The following AGMO variants were observed in gnomAD, a reference collection of about 807,000 sequenced individuals.
AGMO encodes glyceryl-ether monooxygenase.
In AGMO, 75 loss-of-function variants were observed where a neutral mutation model predicts 60.2. The observed-to-expected ratio is 1.25, with a 90% confidence interval of 1.03 to 1.51. The LOEUF is 1.51. AGMO is among the 40% of genes most tolerant of loss of function. The pLI is 0.00. For missense variants in AGMO, 763 were observed against 525.5 expected, an observed-to-expected ratio of 1.45 and a Z score of -4.42; for synonymous variants, 261 against 177.1, an observed-to-expected ratio of 1.47 and a Z score of -3.76.
chr7:15,225,255 G>A (rs149146415), intron 12 of AGMO, among the ~76,000 whole-genome samples: 498 of 151,874 alleles, frequency 3.3e-3, no homozygotes, highest in African/African-American at 0.01. Context: ...ACTTTTATCC[G>A]TTCCCCTGAA....
chr7:15,556,346 TA>T, intron 2 of AGMO, among the ~76,000 whole-genome samples: 1 of 151,294 alleles, frequency 6.6e-6, no homozygotes, highest in East Asian at 2.0e-4. Flanking sequence ...AGCTCCATAG[TA>T]AAAATTGGCA....
intron 12 of AGMO, among the ~76,000 whole-genome samples, chr7:15,288,860 A>AT (rs1199457473): frequency 5.0e-3 from 722 of 143,412 alleles, no homozygotes; most frequent in African/African-American, 0.013. Flanking sequence ...ATAAAAAAAA[A>AT]AAAAATATAT....
At chr7:15,308,213 C>T (rs1423635775) in intron 12 of AGMO, among the ~76,000 whole-genome samples, 2 of 152,098 alleles carry the variant, frequency 1.3e-5, no homozygotes, top group Non-Finnish European at 2.9e-5. Context: ...CCTTAACAAT[C>T]AGACTTTTAC....
chr7:15,514,852 C>T (rs577253983), intron 3 of AGMO, among the ~76,000 whole-genome samples: 2 of 152,298 alleles, frequency 1.3e-5, no homozygotes, highest in Admixed American at 1.3e-4. Flanking sequence ...GGGCAGCTTG[C>T]TCACTCCCTC....
At chr7:15,184,092 A>T in the AGMO span, among the ~76,000 whole-genome samples, 12 of 152,314 alleles carry the variant, frequency 7.9e-5, no homozygotes, top group Admixed American at 2.0e-4. Context: ...ATATTTTAAC[A>T]GATACCATAT....
intron 12 of AGMO, among the ~76,000 whole-genome samples, chr7:15,328,257 C>T (rs990461899): frequency 1.5e-4 from 23 of 151,986 alleles, no homozygotes; most frequent in African/African-American, 5.6e-4. Context: ...GCCACCACAC[C>T]CGGCTAGTTT....
chr7:15,280,995 G>A (rs961687211), intron 12 of AGMO, among the ~76,000 whole-genome samples: 4 of 152,162 alleles, frequency 2.6e-5, no homozygotes, highest in Non-Finnish European at 5.9e-5. Context: ...GAGTGTGGCA[G>A]CACCACTGGG....
At position 15,328,389 on chromosome 7, in the gene AGMO, G is replaced by A. The variant is rs78800893; in HGVS notation, c.1263+37125C>T. The stretch of plus-strand genomic sequence containing the variant: ...TGGGATTACAGGCGTGAGCCACCAC[G>A]CCCAGCCTGATTTCTTAAACAATGA... On this transcript the variant is annotated intron_variant, in intron 12 of 12. Coordinates refer to ENST00000342526, the MANE Select transcript of AGMO (RefSeq NM_001004320.2). Among the ~76,000 whole-genome samples the A allele has an allele frequency of 8.0e-3, 1,213 of 152,244 alleles. 14 individuals are homozygous for A. Among genetic ancestry groups the A allele is most frequent in the African/African-American group, 0.026 (1,086 of 41,546 alleles).
chr7:15,178,527 A>G, the AGMO span, among the ~76,000 whole-genome samples: 6 of 151,870 alleles, frequency 4.0e-5, no homozygotes. Context: ...TGTATAAATC[A>G]GTGTTTATCT....
chr7:15,146,945 A>AT, the AGMO span, among the ~76,000 whole-genome samples: 2 of 152,194 alleles, frequency 1.3e-5, no homozygotes, highest in Admixed American at 1.3e-4. Context: ...TAACATATGT[A>AT]TTTTTTATAA....
chr7:15,186,596 T>A, the AGMO span, among the ~76,000 whole-genome samples: 3 of 152,208 alleles, frequency 2.0e-5, no homozygotes, highest in Non-Finnish European at 2.9e-5. Flanking sequence ...TTCTTATAGT[T>A]GCAGAAGGAA....
chr7:15,286,526 C>T (rs1020364715), intron 12 of AGMO, among the ~76,000 whole-genome samples: 2 of 151,978 alleles, frequency 1.3e-5, no homozygotes, highest in African/African-American at 2.4e-5. Flanking sequence ...CAATGAGATA[C>T]CATCTCACCC....
intron 5 of AGMO, among the ~76,000 whole-genome samples, chr7:15,404,786 G>T (rs1422298314): frequency 6.6e-6 from 1 of 151,738 alleles, no homozygotes; most frequent in Non-Finnish European, 1.5e-5. Flanking sequence ...GACTTCTACT[G>T]CTTAGTCAAC....
Position 15,323,656 on chromosome 7 carries a change from C to G in AGMO, c.1263+41858G>C, listed in dbSNP as rs548685235. 5.9e-5 allele frequency among the ~76,000 whole-genome samples: 9 copies of G among 152,252 alleles called. No homozygotes were observed. The East Asian group carries it at 1.5e-3, about 26-fold the overall frequency. On this transcript the variant is annotated intron_variant, in intron 12 of 12. Coordinates refer to ENST00000342526, the MANE Select transcript of AGMO (RefSeq NM_001004320.2). ...ATTCTCATATGATTCCAAGCTGTCT[C>G]CCGAGCTTGCAGTGCATGACTTTTG...
chr7:15,161,926 C>T, the AGMO span, among the ~76,000 whole-genome samples: 1 of 152,020 alleles, frequency 6.6e-6, no homozygotes. Context: ...ATTCAATATA[C>T]AGCTTTGGAT....
At chr7:15,226,050 C>T (rs1782071759) in intron 12 of AGMO, among the ~76,000 whole-genome samples, 1 of 151,970 alleles carries the variant, frequency 6.6e-6, no homozygotes, top group African/African-American at 2.4e-5. Flanking sequence ...GTAAATGTGG[C>T]CAAAGTTTAT....
the AGMO span, among the ~76,000 whole-genome samples, chr7:15,160,173 T>C: frequency 3.5e-3 from 539 of 152,280 alleles, 6 homozygotes; most frequent in African/African-American, 0.012. Context: ...TTCAAGGGGA[T>C]TGATCACGGA....
At position 15,413,890 on chromosome 7, in the gene AGMO, G is replaced by A. The variant is rs976426239; in HGVS notation, c.609+4668C>T. ...TGGAAAGAATGAAGACGATTAGAAG[G>A]TAAACATCTGGGCAAATAAAGAAGA... On this transcript the variant is annotated intron_variant, in intron 5 of 12. Coordinates refer to ENST00000342526, the MANE Select transcript of AGMO (RefSeq NM_001004320.2). Among the ~76,000 whole-genome samples the A allele has an allele frequency of 1.4e-4, 22 of 152,176 alleles. No homozygotes were observed. The South Asian group carries it at 4.6e-3, about 32-fold the overall frequency.
At chr7:15,248,151 A>G (rs1782805046) in intron 12 of AGMO, among the ~76,000 whole-genome samples, 1 of 125,080 alleles carries the variant, frequency 8.0e-6, no homozygotes, top group African/African-American at 2.8e-5. Flanking sequence ...TGTCATAAAG[A>G]AGTGTCACAA....
Sources: gnomAD v4.1 joint callset for allele counts (sites outside exome capture counted in the v4.1 genomes callset) on GRCh38, gnomAD v4.1.1 for gene constraint, MANE v1.5 for transcripts, NCBI Gene and HGNC (gene_info 2026-07-23, HGNC 2026-07-21) for gene names.